The following SLC16A10 variants were observed in gnomAD, a reference collection of about 807,000 sequenced individuals.
The protein encoded by SLC16A10 is monocarboxylate transporter 10.
Under a neutral mutation model 40.0 loss-of-function variants are expected in SLC16A10, and 27 were observed. The observed-to-expected ratio is 0.67, with a 90% CI of 0.50 to 0.93. The LOEUF is 0.93. SLC16A10 is among the 40% of genes least tolerant of loss of function. The probability of loss-of-function intolerance (pLI) is 0.00; values close to 1 mark genes in which losing one functional copy is unlikely to be tolerated. For synonymous variants in SLC16A10, 213 were observed against 249.8 expected (o/e 0.85, Z 1.39); for missense variants, 529 against 658.2 (o/e 0.80, Z 2.15).
intron 1 of SLC16A10, among the ~76,000 whole-genome samples, chr6:111,105,805 C>G (rs1027148929): frequency 1.3e-5 from 2 of 152,238 alleles, no homozygotes; most frequent in Admixed American, 6.5e-5. Context: ...CTGAATTGCT[C>G]TGTTGTGACT....
rs1225009537 is a variant in SLC16A10, at chr6:111,227,535, A to G, written c.*5300A>G. On this transcript the variant is annotated 3_prime_UTR_variant, in exon 6 of 6. Coordinates refer to ENST00000368851, the MANE Select transcript of SLC16A10 (RefSeq NM_018593.5). Reference sequence around the variant, plus strand: ...ATCACTCAGAAAAATCTTGAAACTCAGGACGTAGTTTACTTAGCTTGCCTT... The same window carrying G: ...ATCACTCAGAAAAATCTTGAAACTCGGGACGTAGTTTACTTAGCTTGCCTT... 6.6e-6 allele frequency: 1 copy of G among 152,192 alleles called. No homozygotes were observed. Among genetic ancestry groups the G allele is most frequent in the East Asian group, 1.9e-4 (1 of 5,194 alleles). The allele number at this position is 152,192 out of a possible 1,614,324, so 9.4% of individuals were successfully genotyped here. A position where few individuals can be genotyped will look rare whatever the true frequency, so the allele number is the denominator to read the frequency against.
At chr6:111,204,498 A>G (rs144040166) in intron 3 of SLC16A10, among the ~76,000 whole-genome samples, 45 of 152,332 alleles carry the variant, frequency 3.0e-4, no homozygotes, top group African/African-American at 1.1e-3. Flanking sequence ...GGAATACCTC[A>G]GGTGCCAAAT....
intron 1 of SLC16A10, among the ~76,000 whole-genome samples, chr6:111,114,565 A>G (rs2114464604): frequency 6.6e-6 from 1 of 152,310 alleles, no homozygotes; most frequent in East Asian, 1.9e-4. Flanking sequence ...ATTTAATTAA[A>G]TTATTTCAAA....
chr6:111,204,362 T>G (rs1035494278), intron 3 of SLC16A10, among the ~76,000 whole-genome samples: 2 of 151,954 alleles, frequency 1.3e-5, no homozygotes, highest in African/African-American at 2.4e-5. Flanking sequence ...TGAGGGTGAG[T>G]TGAGTTCAGC....
chr6:111,202,248 G>T (rs964269604), intron 3 of SLC16A10, among the ~76,000 whole-genome samples: 1 of 152,186 alleles, frequency 6.6e-6, no homozygotes, highest in African/African-American at 2.4e-5. Context: ...GGTCAAGGGT[G>T]GAGGATTGCT....
intron 1 of SLC16A10, among the ~76,000 whole-genome samples, chr6:111,168,553 G>A (rs1205042627): frequency 4.6e-5 from 7 of 152,180 alleles, no homozygotes; most frequent in African/African-American, 1.7e-4. Flanking sequence ...TATATCATAG[G>A]TCGTAAGACC....
intron 1 of SLC16A10, among the ~76,000 whole-genome samples, chr6:111,090,979 T>A (rs1770964620): frequency 1.3e-5 from 2 of 152,176 alleles, no homozygotes. Flanking sequence ...TGGAATGGAA[T>A]CTAGGTCTCC....
intron 1 of SLC16A10, among the ~76,000 whole-genome samples, chr6:111,128,961 T>G (rs537514146): frequency 4.0e-5 from 5 of 125,488 alleles, no homozygotes; most frequent in African/African-American, 1.3e-4. Context: ...TTCATATTCA[T>G]TTCAATTGTT....
chr6:111,148,213 C>A (rs892096539), intron 1 of SLC16A10, among the ~76,000 whole-genome samples: 1 of 152,134 alleles, frequency 6.6e-6, no homozygotes, highest in African/African-American at 2.4e-5. Context: ...TCATCTATCT[C>A]AATTTTTCCT....
At chr6:111,129,028 A>T (rs181211709) in intron 1 of SLC16A10, among the ~76,000 whole-genome samples, 132 of 151,920 alleles carry the variant, frequency 8.7e-4, no homozygotes, top group Non-Finnish European at 1.7e-3. Flanking sequence ...ACAGTTATAG[A>T]GTATCTACTT....
chr6:111,158,488 C>T (rs1370275513), intron 1 of SLC16A10, among the ~76,000 whole-genome samples: 1 of 152,130 alleles, frequency 6.6e-6, no homozygotes, highest in African/African-American at 2.4e-5. Flanking sequence ...CCTGCATGCA[C>T]AGTTCACAAT....
At chr6:111,209,420 A>G (rs1773307153) in intron 4 of SLC16A10, among the ~76,000 whole-genome samples, 1 of 152,186 alleles carries the variant, frequency 6.6e-6, no homozygotes, top group Non-Finnish European at 1.5e-5. Flanking sequence ...TCTTATCAAG[A>G]TCAATATGCA....
intron 1 of SLC16A10, among the ~76,000 whole-genome samples, chr6:111,135,926 T>G (rs914991064): frequency 1.3e-5 from 2 of 152,162 alleles, no homozygotes; most frequent in African/African-American, 2.4e-5. Flanking sequence ...AGGGCTAAAA[T>G]TATCCAAAGG....
chr6:111,099,829 C>G (rs556945111), intron 1 of SLC16A10, among the ~76,000 whole-genome samples: 1 of 151,946 alleles, frequency 6.6e-6, no homozygotes, highest in East Asian at 2.0e-4. Context: ...TCTAGAGCAG[C>G]CTGGGCAACA....
At chr6:111,095,949 G>A (rs1771066494) in intron 1 of SLC16A10, among the ~76,000 whole-genome samples, 1 of 152,110 alleles carries the variant, frequency 6.6e-6, no homozygotes, top group Admixed American at 6.6e-5. Flanking sequence ...ATAAAGAAAA[G>A]GCTTTCATGT....
At chr6:111,112,352 T>C (rs1333536155) in intron 1 of SLC16A10, among the ~76,000 whole-genome samples, 4 of 152,194 alleles carry the variant, frequency 2.6e-5, no homozygotes, top group African/African-American at 9.6e-5. Context: ...GTATTTTTGA[T>C]ACTGAGCTTA....
chr6:111,218,509 G>A (rs983974132), intron 4 of SLC16A10, among the ~76,000 whole-genome samples: 7 of 152,172 alleles, frequency 4.6e-5, no homozygotes, highest in African/African-American at 1.7e-4. Context: ...AACCTGGGAA[G>A]CGGAGGTTGT....
intron 1 of SLC16A10, among the ~76,000 whole-genome samples, chr6:111,100,999 T>TAG (rs1562397244): frequency 9.4e-6 from 1 of 106,112 alleles, no homozygotes; most frequent in Non-Finnish European, 1.9e-5. Context: ...TCTCTATATA[T>TAG]ATATATATAT....
At chr6:111,192,631 T>C (rs1484790203) in intron 3 of SLC16A10, among the ~76,000 whole-genome samples, 1 of 152,148 alleles carries the variant, frequency 6.6e-6, no homozygotes, top group Non-Finnish European at 1.5e-5. Context: ...AATAAAGACA[T>C]ACCCGAAACT....
Sources: allele counts gnomAD v4.1 joint callset (sites outside exome capture counted in the v4.1 genomes callset), GRCh38; gene constraint gnomAD v4.1.1; transcripts MANE v1.5; gene names NCBI Gene and HGNC (gene_info 2026-07-23, HGNC 2026-07-21).